Variants in MID1 observed in about 807,000 individuals in gnomAD.
MID1 encodes the protein midline 1.
MID1 carries 7 observed loss-of-function variants against 40.4 expected under a neutral mutation model. The ratio of observed to expected loss-of-function variants is 0.17; its 90% CI spans 0.10 to 0.33. The LOEUF (loss-of-function observed/expected upper bound fraction) is 0.33, where lower values mean the gene tolerates loss of function less well. Among genes scored for constraint, MID1 ranks in the 10% least tolerant of loss-of-function variants. The pLI is 1.00. For missense variants in MID1, 367 were observed against 558.5 expected, an observed-to-expected ratio of 0.66 and a Z score of 3.46; for synonymous variants, 229 against 221.2, an observed-to-expected ratio of 1.04 and a Z score of -0.31.
At chrX:10,458,273 T>C (rs1045750748) in intron 8 of MID1, among the ~76,000 whole-genome samples, 30 of 112,532 alleles carry the variant, frequency 2.7e-4, no homozygotes, top group African/African-American at 9.0e-4. Flanking sequence ...TATTCTCTTA[T>C]GTACTTTTAG....
intron 1 of MID1, among the ~76,000 whole-genome samples, chrX:10,795,577 G>A (rs986054197): frequency 1.8e-5 from 2 of 112,360 alleles, no homozygotes; most frequent in Non-Finnish European, 3.8e-5. Flanking sequence ...ATTATTTTCA[G>A]TTGGTGGAGC....
At chrX:10,778,860 T>C (rs2043825496) in intron 1 of MID1, among the ~76,000 whole-genome samples, 1 of 113,456 alleles carries the variant, frequency 8.8e-6, no homozygotes, top group South Asian at 3.6e-4. Flanking sequence ...TAAATTTGTA[T>C]TAATCTGTAA....
intron 1 of MID1, among the ~76,000 whole-genome samples, chrX:10,672,313 ATG>A (rs1318368685): frequency 2.2e-4 from 24 of 111,346 alleles, no homozygotes; most frequent in African/African-American, 7.6e-4. Context: ...AAACTTTTGT[ATG>A]TGTTATGTTA....
intron 1 of MID1, among the ~76,000 whole-genome samples, chrX:10,789,728 G>A (rs752388636): frequency 5.6e-3 from 623 of 111,980 alleles, no homozygotes; most frequent in Non-Finnish European, 8.5e-3. Context: ...CAATCTTTCT[G>A]GAAGTGGCCT....
chrX:10,470,891 T>A (rs774381301), intron 6 of MID1, among the ~76,000 whole-genome samples: 1 of 111,692 alleles, frequency 9.0e-6, no homozygotes, highest in Non-Finnish European at 1.9e-5. Context: ...GAGGGAGGGG[T>A]TGGCAAACTG....
chrX:10,728,021 A>G lies in MID1; in HGVS notation c.-187+105533T>C, dbSNP rs183286598. On this transcript the variant is annotated intron_variant, in intron 1 of 10. Coordinates refer to the MID1 transcript ENST00000380785. ...TTAAAACCCCAAAGCACAAAATGTA[A>G]TTTGTATTATTGAGTGGTTCTTTGG... is the stretch of plus-strand genomic sequence containing the variant. Among the ~76,000 whole-genome samples the G allele has an allele frequency of 2.4e-4, 27 of 112,439 alleles. 1 individual carries two copies. The highest frequency in any genetic ancestry group is 8.7e-4 in the African/African-American group (27 of 31,015).
intron 1 of MID1, among the ~76,000 whole-genome samples, chrX:10,766,004 AAAG>A (rs1295685833): frequency 3.8e-5 from 4 of 105,382 alleles, no homozygotes; most frequent in South Asian, 4.2e-4. Flanking sequence ...AGAAAGAAAG[AAAG>A]AACCAAAACC....
rs757596754 is a variant in MID1, at chrX:10,664,516, G to A, written c.-186-44097C>T. 1.7e-3 allele frequency among the ~76,000 whole-genome samples: 185 copies of A among 111,873 alleles called. 1 individual carries two copies. Among genetic ancestry groups the A allele is most frequent in the Non-Finnish European group, 2.4e-3 (125 of 53,152 alleles). ...CATTCATCCACTGATAAACATTTGC[G>A]CTGTTTCCACTTTTTGGCTATTGTA... On this transcript the variant is annotated intron_variant, in intron 1 of 10. Coordinates refer to the MID1 transcript ENST00000380785.
At chrX:10,526,619 T>C (rs1932838568) in intron 2 of MID1, among the ~76,000 whole-genome samples, 2 of 111,628 alleles carry the variant, frequency 1.8e-5, no homozygotes, top group Admixed American at 1.9e-4. Flanking sequence ...GCCAAAGAAA[T>C]GCAATCCAAC....
chrX:10,551,648 T>C, intron 2 of MID1, among the ~76,000 whole-genome samples: 1 of 112,312 alleles, frequency 8.9e-6, no homozygotes, highest in Non-Finnish European at 1.9e-5. Context: ...ATAAAATACC[T>C]TGTAGCTTTT....
At position 10,449,206 on chromosome X, in the gene MID1, G is replaced by A; in HGVS notation, c.*162C>T. ...AAGCCCGTACTTAATACAAGACACAGTAAAAGGAGAGGAATCTCTTGTTTT... is the reference window on the plus strand; with the variant it reads ...AAGCCCGTACTTAATACAAGACACAATAAAAGGAGAGGAATCTCTTGTTTT... On this transcript the variant is annotated 3_prime_UTR_variant, in exon 10 of 10. Coordinates refer to ENST00000317552, the MANE Select transcript of MID1 (RefSeq NM_000381.4). 2.2e-6 allele frequency: 1 copy of A among 449,710 alleles called. No individual in the cohort carries two copies. Among genetic ancestry groups the A allele is most frequent in the Non-Finnish European group, 3.9e-6 (1 of 257,122 alleles). The allele number at this position is 449,710 out of a possible 1,213,427, so 37.1% of individuals were successfully genotyped here. A position where few individuals can be genotyped will look rare whatever the true frequency, so the allele number is the denominator to read the frequency against.
intron 1 of MID1, among the ~76,000 whole-genome samples, chrX:10,592,751 C>G (rs1371929017): frequency 1.8e-5 from 2 of 110,881 alleles, no homozygotes; most frequent in Non-Finnish European, 3.8e-5. Flanking sequence ...AGAAATAAGT[C>G]TGAAATGGAA....
chrX:10,704,400 G>A (rs1230269061), intron 1 of MID1, among the ~76,000 whole-genome samples: 1 of 110,020 alleles, frequency 9.1e-6, no homozygotes, highest in African/African-American at 3.3e-5. Context: ...GCTACTGTGT[G>A]GTGATTGTTA....
intron 1 of MID1, among the ~76,000 whole-genome samples, chrX:10,638,949 C>T (rs1936154638): frequency 8.9e-6 from 1 of 112,570 alleles, no homozygotes; most frequent in African/African-American, 3.2e-5. Context: ...AGAGTCATGA[C>T]TGTTAGAAGG....
chrX:10,566,061 C>T (rs1315828559), intron 2 of MID1, among the ~76,000 whole-genome samples: 1 of 111,084 alleles, frequency 9.0e-6, no homozygotes, highest in Admixed American at 9.5e-5. Context: ...TCACTCTCCT[C>T]GGCCTCCCAA....
intron 1 of MID1, among the ~76,000 whole-genome samples, chrX:10,817,705 T>C (rs1458866530): frequency 1.9e-5 from 2 of 105,544 alleles, no homozygotes; most frequent in African/African-American, 3.5e-5. Flanking sequence ...CTGCTACCTC[T>C]GCCTCCTGGG....
intron 1 of MID1, among the ~76,000 whole-genome samples, chrX:10,804,697 C>A (rs370880073): frequency 9.0e-6 from 1 of 110,957 alleles, no homozygotes; most frequent in Admixed American, 9.7e-5. Flanking sequence ...TATGCTTGTG[C>A]CCCTGGGCTG....
At chrX:10,796,665 T>A (rs1054013331) in intron 1 of MID1, among the ~76,000 whole-genome samples, 1 of 110,561 alleles carries the variant, frequency 9.0e-6, no homozygotes, top group Non-Finnish European at 1.9e-5. Context: ...AGAATATGCT[T>A]CATCCGAGAT....
At chrX:10,483,268 A>T (rs1367153551) in intron 4 of MID1, among the ~76,000 whole-genome samples, 1 of 111,783 alleles carries the variant, frequency 8.9e-6, no homozygotes, top group Non-Finnish European at 1.9e-5. Context: ...CCTCACTGGG[A>T]ACGTCATTTC....
Sources: allele counts gnomAD v4.1 joint callset (sites outside exome capture counted in the v4.1 genomes callset), GRCh38; gene constraint gnomAD v4.1.1; transcripts MANE v1.5; gene names NCBI Gene and HGNC (gene_info 2026-07-23, HGNC 2026-07-21).